TIMM17A: variants seen among roughly 807,000 people sequenced by gnomAD.
The protein encoded by TIMM17A is mitochondrial import inner membrane translocase subunit Tim17-A.
Under a neutral mutation model 26.5 loss-of-function variants are expected in TIMM17A, and 15 were observed. The observed-to-expected ratio is 0.57, with a 90% CI of 0.38 to 0.87. The LOEUF (loss-of-function observed/expected upper bound fraction) is 0.87, where lower values mean the gene tolerates loss of function less well. Among genes scored for constraint, TIMM17A ranks in the 40% least tolerant of loss-of-function variants. The pLI, the probability that TIMM17A is intolerant of heterozygous loss-of-function variation, is 0.00. For synonymous variants in TIMM17A, 80 were observed against 70.8 expected, an observed-to-expected ratio of 1.13 and a Z score of -0.66; for missense variants, 201 against 210.0, an observed-to-expected ratio of 0.96 and a Z score of 0.27.
At chr1:201,965,575 A>C in intron 5 of TIMM17A, 32 bp downstream of exon 5, 1 of 1,335,174 alleles carries the variant, frequency 7.5e-7, no homozygotes, top group Non-Finnish European at 1.1e-6. Flanking sequence ...TATAGCTCAA[A>C]CATTTTGGAA....
chr1:201,959,572 T>TG (rs911720046), intron 3 of TIMM17A, among the ~76,000 whole-genome samples: 1 of 151,900 alleles, frequency 6.6e-6, no homozygotes, highest in African/African-American at 2.4e-5. Flanking sequence ...GAGAATCGCT[T>TG]GAACCCAGGA....
chr1:201,959,421 T>C (rs1013983489), intron 3 of TIMM17A, among the ~76,000 whole-genome samples: 2 of 151,948 alleles, frequency 1.3e-5, no homozygotes, highest in African/African-American at 4.8e-5. Context: ...TTTGGGAGGC[T>C]AAGGCGGGTG....
In TIMM17A at chr1:201,969,722, G is replaced by A. The variant is rs1682698657; in HGVS notation, c.*168G>A. 2.0e-6 allele frequency: 1 copy of A among 506,474 alleles called. No individual in the cohort carries two copies. The highest frequency in any genetic ancestry group is 3.5e-6 in the Non-Finnish European group (1 of 284,916). 31.4% of individuals were successfully genotyped at this position (506,474 alleles called of 1,614,324 possible). The stretch of plus-strand genomic sequence containing the variant: ...TATTTAAAGGAACAAGCGGGGAAGG[G>A]TGCTAAAAGATAATACGTTTATTTA... On this transcript the variant is annotated 3_prime_UTR_variant, in exon 6 of 6. Transcript: ENST00000367287.
chr1:201,957,676 T>G, intron 3 of TIMM17A, 102 bp downstream of exon 3: 1 of 994,800 alleles, frequency 1.0e-6, no homozygotes, highest in Admixed American at 2.4e-5. Flanking sequence ...TTTAGTTTGG[T>G]CTAACGGTTT....
intron 3 of TIMM17A, among the ~76,000 whole-genome samples, chr1:201,961,861 A>G (rs1682539675): frequency 6.6e-6 from 1 of 151,722 alleles, no homozygotes; most frequent in South Asian, 2.1e-4. Context: ...TGCTTGGGCT[A>G]TGGTACCCCA....
chr1:201,960,876 G>A (rs1682511250), intron 3 of TIMM17A, among the ~76,000 whole-genome samples: 1 of 151,822 alleles, frequency 6.6e-6, no homozygotes, highest in African/African-American at 2.4e-5. Context: ...AGCCTCCTGA[G>A]TAGCTGGGAT....
Position 201,970,451 on chromosome 1 carries a change from CAT to C in TIMM17A, c.*898_*899del, listed in dbSNP as rs941689136. The C allele has an allele frequency of 6.6e-6, 1 of 152,164 alleles. No homozygotes were observed. The highest frequency in any genetic ancestry group is 1.5e-5 in the Non-Finnish European group (1 of 68,038). 9.4% of individuals were successfully genotyped at this position (152,164 alleles called of 1,614,324 possible). On this transcript the variant is annotated 3_prime_UTR_variant, in exon 6 of 6. Transcript: ENST00000367287. ...GTCATTTTCCTGATATTGGAAGTGACATGTGGCCCTATAGGAGGCATGATGTT... is the reference window on the plus strand; with the variant it reads ...GTCATTTTCCTGATATTGGAAGTGACGTGGCCCTATAGGAGGCATGATGTT...
chr1:201,965,817 G>C (rs1319883422), intron 5 of TIMM17A, among the ~76,000 whole-genome samples: 1 of 152,206 alleles, frequency 6.6e-6, no homozygotes, highest in Non-Finnish European at 1.5e-5. Context: ...AAAGGGACTT[G>C]AAGAATGGTT....
intron 3 of TIMM17A, among the ~76,000 whole-genome samples, chr1:201,958,662 C>T (rs1292698776): frequency 1.3e-5 from 2 of 152,232 alleles, no homozygotes; most frequent in Admixed American, 6.5e-5. Context: ...CACCACTGCA[C>T]TCCAGCCTGG....
chr1:201,963,879 A>G, intron 4 of TIMM17A, 135 bp downstream of exon 4: 1 of 1,028,646 alleles, frequency 9.7e-7, no homozygotes, highest in Non-Finnish European at 1.3e-6. Flanking sequence ...TAATTCCATC[A>G]CTTGGGAGGC....
At chr1:201,961,152 A>T (rs192947323) in intron 3 of TIMM17A, among the ~76,000 whole-genome samples, 3 of 144,872 alleles carry the variant, frequency 2.1e-5, no homozygotes, top group Non-Finnish European at 1.5e-5. Context: ...GTCAACTTCC[A>T]TCTGTCCGGT....
chr1:201,957,177 C>T (rs1213905501), intron 1 of TIMM17A, 104 bp from the exon 2 acceptor site: 2 of 701,496 alleles, frequency 2.9e-6, no homozygotes, highest in Non-Finnish European at 4.9e-6. Context: ...TTGCAGTGGG[C>T]CCTGCAGTAT....
At chr1:201,967,682 A>G (rs1682659812) in intron 5 of TIMM17A, among the ~76,000 whole-genome samples, 1 of 151,532 alleles carries the variant, frequency 6.6e-6, no homozygotes, top group African/African-American at 2.4e-5. Context: ...AGCTGGGACT[A>G]TAGGTGTGCA....
In TIMM17A at chr1:201,969,659, G is replaced by A; in HGVS notation, c.*105G>A. ...TTAAAACCATAGGTGGGACAGCTAT[G>A]GCCAATAGGCTATAAAGAGACATTT... On this transcript the variant is annotated 3_prime_UTR_variant, in exon 6 of 6. Transcript: ENST00000367287. 1.1e-6 allele frequency: 1 copy of A among 902,972 alleles called. No homozygotes were observed. Among genetic ancestry groups the A allele is most frequent in the Non-Finnish European group, 1.8e-6 (1 of 559,628 alleles). The allele number at this position is 902,972 out of a possible 1,614,324, so 55.9% of individuals were successfully genotyped here.
Position 201,955,515 on chromosome 1 carries a change from A to G in TIMM17A, c.-12A>G. The G allele has an allele frequency of 6.2e-7, 1 of 1,614,244 alleles. No individual in the cohort carries two copies. Among genetic ancestry groups the G allele is most frequent in the South Asian group, 1.1e-5 (1 of 91,088 alleles). Reference sequence around the variant, plus strand: ...CAGCTTGCCCGGCATCACTCGCGGCATTGGAGTCAAGATGGAGGAGTACGC... The same window carrying G: ...CAGCTTGCCCGGCATCACTCGCGGCGTTGGAGTCAAGATGGAGGAGTACGC... On this transcript the variant is annotated 5_prime_UTR_variant, in exon 1 of 6. Coordinates refer to ENST00000367287, the MANE Select transcript of TIMM17A (RefSeq NM_006335.3).
intron 5 of TIMM17A, among the ~76,000 whole-genome samples, chr1:201,968,574 TAG>T (rs1682678135): frequency 6.6e-6 from 1 of 151,416 alleles, no homozygotes; most frequent in African/African-American, 2.4e-5. Context: ...ATATTTTCAG[TAG>T]AGACGGGGTT....
chr1:201,957,628 G>A, intron 3 of TIMM17A, 54 bp downstream of exon 3: 3 of 1,443,438 alleles, frequency 2.1e-6, no homozygotes, highest in Non-Finnish European at 2.9e-6. Flanking sequence ...CTTTGAAGAT[G>A]GAGCTATTTT....
At chr1:201,956,270 A>G (rs570760011) in intron 1 of TIMM17A, among the ~76,000 whole-genome samples, 53 of 152,376 alleles carry the variant, frequency 3.5e-4, no homozygotes, top group South Asian at 1.0e-3. Context: ...AAAACGATGT[A>G]ATTGCTGTCA....
At chr1:201,965,141 G>A (rs1056880748) in intron 4 of TIMM17A, among the ~76,000 whole-genome samples, 3 of 151,978 alleles carry the variant, frequency 2.0e-5, no homozygotes, top group East Asian at 3.9e-4. Context: ...TAGTAGAGAC[G>A]GGGTTTCCCC....
Sources: allele counts gnomAD v4.1 joint callset (sites outside exome capture counted in the v4.1 genomes callset), GRCh38; gene constraint gnomAD v4.1.1; transcripts MANE v1.5; gene names NCBI Gene and HGNC (gene_info 2026-07-23, HGNC 2026-07-21).